The following GALNT18 variants were observed in gnomAD, a reference collection of about 807,000 sequenced individuals.
The protein encoded by GALNT18 is GalNAc-transferase 18.
In GALNT18, 44 loss-of-function variants were observed where a neutral mutation model predicts 69.5. The observed-to-expected ratio is 0.63, with a 90% confidence interval of 0.50 to 0.81. The LOEUF is 0.81. Among genes scored for constraint, GALNT18 ranks in the 40% least tolerant of loss-of-function variants. GALNT18 has a pLI of 0.00. For missense variants in GALNT18, 715 were observed against 810.0 expected (o/e 0.88, Z 1.42); for synonymous variants, 364 against 318.2 (o/e 1.14, Z -1.53).
chr11:11,348,105 T>C (rs1385337592), intron 6 of GALNT18, among the ~76,000 whole-genome samples: 1 of 152,062 alleles, frequency 6.6e-6, no homozygotes, highest in Non-Finnish European at 1.5e-5. Context: ...GGGCCGGGCA[T>C]GGTGGCTAAC....
intron 6 of GALNT18, among the ~76,000 whole-genome samples, chr11:11,365,961 C>A (rs1850758377): frequency 6.6e-6 from 1 of 152,170 alleles, no homozygotes; most frequent in Non-Finnish European, 1.5e-5. Context: ...CTAGATTTAG[C>A]TAATTGTGTG....
At position 11,448,729 on chromosome 11, in the gene GALNT18, A is replaced by G; in HGVS notation, c.428+15T>C. 1 of 1,601,688 alleles carries G rather than the reference A, an allele frequency of 6.2e-7. No individual in the cohort carries two copies. Among genetic ancestry groups the G allele is most frequent in the Middle Eastern group, 1.8e-4 (1 of 5,526 alleles). On this transcript the variant is annotated intron_variant, in intron 2 of 10. Coordinates refer to ENST00000227756, the MANE Select transcript of GALNT18 (RefSeq NM_198516.3). ...TAGGCAGGTCGACAAGGGCCCAGTC[A>G]CTGACTCTGCTCACCCACTGGGTCT...
chr11:11,459,526 AG>A lies in GALNT18; in HGVS notation c.236-10591del, dbSNP rs1397276544. The stretch of plus-strand genomic sequence containing the variant: ...GCCATCCAAGAGATGTCCCACTGCA[AG>A]GCCAAGTGCAGACTCCATTAGGGGC... On this transcript the variant is annotated intron_variant, in intron 1 of 10. Transcript: ENST00000227756. The surrounding 1 kb of genome is among the most constrained non-coding windows in gnomAD (Gnocchi z 5.0). Among the ~76,000 whole-genome samples the A allele has an allele frequency of 6.6e-6, 1 of 152,212 alleles. No homozygotes were observed. The highest frequency in any genetic ancestry group is 1.5e-5 in the Non-Finnish European group (1 of 68,042).
intron 7 of GALNT18, among the ~76,000 whole-genome samples, chr11:11,333,464 C>T (rs559100205): frequency 1.3e-5 from 2 of 152,252 alleles, no homozygotes; most frequent in East Asian, 1.9e-4. Context: ...GGTTCAGTAA[C>T]CTCCTTGGTA....
Position 11,338,965 on chromosome 11 carries a change from C to T in GALNT18, c.1278+1854G>A, listed in dbSNP as rs1289161811. On this transcript the variant is annotated intron_variant, in intron 7 of 10. Transcript: ENST00000227756. The surrounding 1 kb of genome is among the most constrained non-coding windows in gnomAD (Gnocchi z 5.3). ...AGGTGAAATCCTATAGGTTAAAGAC[C>T]TTAAAATGTCCATTAAATTAAGCAT... Among the ~76,000 whole-genome samples the T allele has an allele frequency of 2.6e-5, 4 of 152,048 alleles. No homozygotes were observed. The East Asian group carries it at 7.7e-4, about 29-fold the overall frequency.
chr11:11,548,345 G>C (rs1389799629), intron 1 of GALNT18, among the ~76,000 whole-genome samples: 1 of 152,114 alleles, frequency 6.6e-6, no homozygotes, highest in Non-Finnish European at 1.5e-5. Context: ...GTAGAAAAAA[G>C]AGAGAGGCAG....
chr11:11,499,771 CCT>C (rs1856937450), intron 1 of GALNT18, among the ~76,000 whole-genome samples: 3 of 152,200 alleles, frequency 2.0e-5, no homozygotes, highest in Non-Finnish European at 4.4e-5. Context: ...AAGATTCAGA[CCT>C]CTGCTGACCC....
chr11:11,321,642 G>T (rs1019914836), intron 9 of GALNT18, among the ~76,000 whole-genome samples: 1 of 152,142 alleles, frequency 6.6e-6, no homozygotes, highest in African/African-American at 2.4e-5. Context: ...TCACTCTGTC[G>T]CTCAGGCTGG....
At position 11,472,591 on chromosome 11, in the gene GALNT18, A is replaced by T. The variant is rs1483513309; in HGVS notation, c.236-23655T>A. 4.7e-4 allele frequency among the ~76,000 whole-genome samples: 3 copies of T among 6,442 alleles called. No homozygotes were observed. The Non-Finnish European group carries it at 0.037, about 79-fold the overall frequency. 4.2% of individuals were successfully genotyped at this position (6,442 alleles called of 152,430 possible). A position where few individuals can be genotyped will look rare whatever the true frequency, so the allele number is the denominator to read the frequency against. On this transcript the variant is annotated intron_variant, in intron 1 of 10. Coordinates refer to ENST00000227756, the MANE Select transcript of GALNT18 (RefSeq NM_198516.3). The stretch of plus-strand genomic sequence containing the variant: ...CCCTTCTGAATGTGCAGAGTGAAAC[A>T]AAGATAGACCAGACTCTTATACATT...
At chr11:11,518,661 G>A (rs1033291760) in intron 1 of GALNT18, among the ~76,000 whole-genome samples, 30 of 152,326 alleles carry the variant, frequency 2.0e-4, no homozygotes, top group Admixed American at 2.0e-4. Context: ...AAAACACACG[G>A]ACATAGAAAA....
At position 11,463,209 on chromosome 11, in the gene GALNT18, GACAC is replaced by G. The variant is rs10577248; in HGVS notation, c.236-14277_236-14274del. Among the ~76,000 whole-genome samples the G allele has an allele frequency of 3.4e-4, 51 of 150,046 alleles. 1 individual carries two copies. In the East Asian group the frequency reaches 7.6e-3, roughly 22 times the overall value. ...ACATACACACTCAGACAGACAGACA[GACAC>G]ACACACACACACAGAGAGAGAGAGA... On this transcript the variant is annotated intron_variant, in intron 1 of 10. Coordinates refer to ENST00000227756, the MANE Select transcript of GALNT18 (RefSeq NM_198516.3). This position sits in a 1 kb window ranked among gnomAD's most constrained non-coding sequence, Gnocchi z 4.2.
chr11:11,395,443 C>A (rs1197124628), intron 3 of GALNT18, among the ~76,000 whole-genome samples: 1 of 152,222 alleles, frequency 6.6e-6, no homozygotes, highest in Non-Finnish European at 1.5e-5. Context: ...GTGCTAGGGG[C>A]TTCACCCACA....
intron 3 of GALNT18, among the ~76,000 whole-genome samples, chr11:11,425,496 A>C (rs1204499600): frequency 1.3e-5 from 2 of 152,258 alleles, no homozygotes; most frequent in Admixed American, 1.3e-4. Context: ...GCTTTTAATC[A>C]CAAATTCAAA....
At chr11:11,276,903 T>G (rs61872372) in intron 10 of GALNT18, among the ~76,000 whole-genome samples, 21,205 of 152,228 alleles carry the variant, frequency 0.14, 1,771 homozygotes, top group South Asian at 0.23. Context: ...TGCTGCTGGA[T>G]TCAGTTTGCC....
At chr11:11,405,465 T>C (rs1854569076) in intron 3 of GALNT18, among the ~76,000 whole-genome samples, 1 of 152,120 alleles carries the variant, frequency 6.6e-6, no homozygotes. Context: ...TCGCAGATTT[T>C]CACTGACTTG....
chr11:11,524,753 C>G (rs1270277111), intron 1 of GALNT18, among the ~76,000 whole-genome samples: 1 of 152,206 alleles, frequency 6.6e-6, no homozygotes, highest in Non-Finnish European at 1.5e-5. Flanking sequence ...TACAATAAAA[C>G]AGACTGATAC....
chr11:11,317,577 T>C (rs1268730723), intron 9 of GALNT18, among the ~76,000 whole-genome samples: 1 of 152,204 alleles, frequency 6.6e-6, no homozygotes, highest in African/African-American at 2.4e-5. Context: ...CCATTCTTAA[T>C]GGGTTATTTG....
At chr11:11,281,720 A>G (rs996199091) in intron 10 of GALNT18, among the ~76,000 whole-genome samples, 6 of 146,870 alleles carry the variant, frequency 4.1e-5, no homozygotes, top group Non-Finnish European at 7.5e-5. Context: ...CAGCCCAGCC[A>G]CAGCCTCAGC....
At position 11,465,481 on chromosome 11, in the gene GALNT18, A is replaced by G. The variant is rs1856136401; in HGVS notation, c.236-16545T>C. On this transcript the variant is annotated intron_variant, in intron 1 of 10. Transcript: ENST00000227756. This position sits in a 1 kb window ranked among gnomAD's most constrained non-coding sequence, Gnocchi z 5.7. The stretch of plus-strand genomic sequence containing the variant: ...CTGCCCTCTGATCCTGGGGCTCGTG[A>G]TCCGTATCCATGGCAGCTCAGTAGC... Among the ~76,000 whole-genome samples the G allele has an allele frequency of 6.6e-6, 1 of 152,118 alleles. No individual in the cohort carries two copies.
Sources: gnomAD v4.1 joint callset for allele counts (sites outside exome capture counted in the v4.1 genomes callset) on GRCh38, gnomAD v4.1.1 for gene constraint, Gnocchi (gnomAD v3.1) non-coding constraint, MANE v1.5 for transcripts, NCBI Gene and HGNC (gene_info 2026-07-23, HGNC 2026-07-21) for gene names.